The following SPMIP4 variants were observed in gnomAD, a reference collection of about 807,000 sequenced individuals.
The protein encoded by SPMIP4 is sperm microtubule inner protein 4.
the SPMIP4 span, chr7:25,168,165 T>A: frequency 1.3e-6 from 1 of 788,538 alleles, no homozygotes; most frequent in Non-Finnish European, 2.0e-6. Context: ...TCATTCTGTG[T>A]CTTTTCATAA....
At chr7:25,132,539 A>G in the SPMIP4 span, among the ~76,000 whole-genome samples, 50 of 152,318 alleles carry the variant, frequency 3.3e-4, 1 homozygote, top group South Asian at 5.8e-3. The surrounding 1 kb of genome is among the most constrained non-coding windows in gnomAD (Gnocchi z 5.0). Flanking sequence ...TTAAAATTCC[A>G]TAAGAAATGT....
chr7:25,140,753 A>G, the SPMIP4 span, among the ~76,000 whole-genome samples: 7,847 of 149,222 alleles, frequency 0.053, 670 homozygotes, highest in African/African-American at 0.18. Flanking sequence ...ACGCCCGGCT[A>G]ATTTTTGTAT....
the SPMIP4 span, among the ~76,000 whole-genome samples, chr7:25,155,879 GA>G: frequency 6.6e-6 from 1 of 152,126 alleles, no homozygotes; most frequent in South Asian, 2.1e-4. Flanking sequence ...GCAAAATTAG[GA>G]AGTCCATGGG....
the SPMIP4 span, among the ~76,000 whole-genome samples, chr7:25,150,947 T>C: frequency 6.6e-6 from 1 of 152,210 alleles, no homozygotes; most frequent in South Asian, 2.1e-4. Flanking sequence ...GGAACAATAA[T>C]AGCTTGCAAA....
At chr7:25,136,896 G>A in the SPMIP4 span, 2 of 1,107,310 alleles carry the variant, frequency 1.8e-6, no homozygotes, top group Non-Finnish European at 2.6e-6. This position sits in a 1 kb window ranked among gnomAD's most constrained non-coding sequence, Gnocchi z 5.7. Flanking sequence ...TACACGAGAT[G>A]GGCATAGGAG....
At chr7:25,139,603 C>T in the SPMIP4 span, among the ~76,000 whole-genome samples, 5 of 152,086 alleles carry the variant, frequency 3.3e-5, no homozygotes, top group Non-Finnish European at 4.4e-5. Flanking sequence ...CTAATCTGTT[C>T]ATAGTCAGAG....
the SPMIP4 span, among the ~76,000 whole-genome samples, chr7:25,177,569 T>G: frequency 6.6e-6 from 1 of 152,220 alleles, no homozygotes; most frequent in Non-Finnish European, 1.5e-5. Flanking sequence ...TTTGAGGTGT[T>G]TTTTCCTTTT....
the SPMIP4 span, chr7:25,134,735 AATTCC>A: frequency 1.0e-6 from 1 of 985,298 alleles, no homozygotes; most frequent in Non-Finnish European, 1.2e-6. Context: ...TATTATTTGG[AATTCC>A]ATTCCAGTGA....
the SPMIP4 span, among the ~76,000 whole-genome samples, chr7:25,131,309 T>C: frequency 1.3e-5 from 2 of 152,220 alleles, no homozygotes; most frequent in Non-Finnish European, 2.9e-5. The surrounding 1 kb of genome is among the most constrained non-coding windows in gnomAD (Gnocchi z 4.2). Flanking sequence ...TATATAATTA[T>C]TTCACTGTAT....
the SPMIP4 span, among the ~76,000 whole-genome samples, chr7:25,165,363 C>G: frequency 5.8e-3 from 887 of 152,234 alleles, 6 homozygotes; most frequent in African/African-American, 0.02. Context: ...GGAGTGGGCA[C>G]TTGGAATTGG....
chr7:25,132,611 G>A, the SPMIP4 span, among the ~76,000 whole-genome samples: 2 of 152,304 alleles, frequency 1.3e-5, no homozygotes, highest in South Asian at 2.1e-4. The surrounding 1 kb of genome is among the most constrained non-coding windows in gnomAD (Gnocchi z 5.0). Flanking sequence ...CACTGTTTCA[G>A]GGGAGGAGAC....
the SPMIP4 span, among the ~76,000 whole-genome samples, chr7:25,152,949 G>A: frequency 6.6e-6 from 1 of 151,708 alleles, no homozygotes; most frequent in Non-Finnish European, 1.5e-5. Context: ...TTGCCATATT[G>A]CCCAGGCTGG....
At chr7:25,169,915 T>C in the SPMIP4 span, among the ~76,000 whole-genome samples, 1 of 152,208 alleles carries the variant, frequency 6.6e-6, no homozygotes, top group African/African-American at 2.4e-5. Flanking sequence ...TTCCACTGTA[T>C]AGATATATCA....
the SPMIP4 span, chr7:25,134,983 G>T: frequency 1.0e-6 from 1 of 968,638 alleles, no homozygotes; most frequent in Non-Finnish European, 1.2e-6. Context: ...GCCCAGAATA[G>T]TTTTAAGGAG....
the SPMIP4 span, chr7:25,180,236 A>C: frequency 6.5e-6 from 1 of 153,084 alleles, no homozygotes; most frequent in Non-Finnish European, 1.5e-5. Context: ...GGGGCGCAGT[A>C]GGAGGCTCTT....
chr7:25,173,346 T>G, the SPMIP4 span, among the ~76,000 whole-genome samples: 1 of 152,204 alleles, frequency 6.6e-6, no homozygotes, highest in African/African-American at 2.4e-5. The surrounding 1 kb of genome is among the most constrained non-coding windows in gnomAD (Gnocchi z 4.4). Flanking sequence ...CAAATCCAAC[T>G]CCCTGCCCGT....
chr7:25,171,124 G>C, the SPMIP4 span, among the ~76,000 whole-genome samples: 9 of 152,196 alleles, frequency 5.9e-5, no homozygotes, highest in African/African-American at 2.2e-4. Flanking sequence ...TTGTTACCTT[G>C]TAAGTTAATC....
At chr7:25,151,790 C>T in the SPMIP4 span, 16 of 590,486 alleles carry the variant, frequency 2.7e-5, no homozygotes, top group East Asian at 4.9e-4. Context: ...TGTTGGTGTA[C>T]ATTTTACCTA....
the SPMIP4 span, among the ~76,000 whole-genome samples, chr7:25,167,249 C>A: frequency 1.3e-5 from 2 of 152,142 alleles, no homozygotes; most frequent in African/African-American, 2.4e-5. Context: ...ATGAAAAGAA[C>A]TTGGGTGTTG....
Sources: gnomAD v4.1 joint callset for allele counts (sites outside exome capture counted in the v4.1 genomes callset) on GRCh38, gnomAD v4.1.1 for gene constraint, Gnocchi (gnomAD v3.1) non-coding constraint, MANE v1.5 for transcripts, NCBI Gene and HGNC (gene_info 2026-07-23, HGNC 2026-07-21) for gene names.